The following CSMD1 variants were observed in gnomAD, a reference collection of about 807,000 sequenced individuals.
CSMD1 encodes the protein CUB and sushi domain-containing protein 1.
Under a neutral mutation model 417.5 loss-of-function variants are expected in CSMD1, and 213 were observed. That is an observed-to-expected ratio of 0.51 (90% confidence interval 0.46 to 0.57). The LOEUF (loss-of-function observed/expected upper bound fraction) is 0.57, where lower values mean the gene tolerates loss of function less well. Ranked by LOEUF, CSMD1 falls within the 20% of genes least tolerant of loss-of-function variation. The pLI is 0.00. For synonymous variants in CSMD1, 2,862 were observed against 1,736.8 expected (o/e 1.65, Z -16.11); for missense variants, 6,923 against 4,529.7 (o/e 1.53, Z -15.17).
Position 4,792,178 on chromosome 8 carries a change from G to T in CSMD1, c.86-154620C>A, listed in dbSNP as rs1333476385. Among the ~76,000 whole-genome samples the T allele has an allele frequency of 2.6e-5, 4 of 151,338 alleles. No homozygotes were observed. The South Asian group carries it at 6.3e-4, about 24-fold the overall frequency. Reference sequence around the variant, plus strand: ...TCCTTCCTATCTTTCTTTCCCATAGGTATTTATGAAATAAACACAATTAGC... The same window carrying T: ...TCCTTCCTATCTTTCTTTCCCATAGTTATTTATGAAATAAACACAATTAGC... On this transcript the variant is annotated intron_variant, in intron 1 of 69. Coordinates refer to ENST00000635120, the MANE Select transcript of CSMD1 (RefSeq NM_033225.6).
At chr8:3,029,625 G>T in intron 50 of CSMD1, 112 bp from the exon 51 acceptor site, 1 of 824,986 alleles carries the variant, frequency 1.2e-6, no homozygotes, top group Non-Finnish European at 1.9e-6. Context: ...GTTTGGCAAA[G>T]TTGATGCCAT....
intron 2 of CSMD1, among the ~76,000 whole-genome samples, chr8:4,522,050 T>A (rs1803481459): frequency 6.6e-6 from 1 of 152,196 alleles, no homozygotes; most frequent in Non-Finnish European, 1.5e-5. Context: ...GGTTTGGCTG[T>A]GTCCCCACCC....
At chr8:4,658,582 A>T (rs1348086585) in intron 1 of CSMD1, among the ~76,000 whole-genome samples, 2 of 152,214 alleles carry the variant, frequency 1.3e-5, no homozygotes, top group African/African-American at 4.8e-5. Flanking sequence ...ACAAATTTTT[A>T]AAAGCAAAAT....
At position 4,664,988 on chromosome 8, in the gene CSMD1, C is replaced by G. The variant is rs559406753; in HGVS notation, c.86-27430G>C. Among the ~76,000 whole-genome samples, 45 of 152,228 alleles carry G rather than the reference C, an allele frequency of 3.0e-4. No homozygotes were observed. The South Asian group carries it at 9.3e-3, about 32-fold the overall frequency. On this transcript the variant is annotated intron_variant, in intron 1 of 69. Coordinates refer to ENST00000635120, the MANE Select transcript of CSMD1 (RefSeq NM_033225.6). ...AGCATCTGAAAAAGGAAAATAATAT[C>G]TCATCGTGTTCTTCATTTTATTATT...
At chr8:4,282,429 A>T (rs1352021050) in intron 3 of CSMD1, among the ~76,000 whole-genome samples, 1 of 152,194 alleles carries the variant, frequency 6.6e-6, no homozygotes, top group Non-Finnish European at 1.5e-5. Flanking sequence ...CCTCTTCTCC[A>T]AGCAAGGTCC....
At position 3,109,850 on chromosome 8, in the gene CSMD1, C is replaced by G. The variant is rs566264260; in HGVS notation, c.6608+308G>C. On this transcript the variant is annotated intron_variant, in intron 43 of 69. Coordinates refer to ENST00000635120, the MANE Select transcript of CSMD1 (RefSeq NM_033225.6). ...ACACAAGCCACACACACCACACAGACACACCCACAGAGACACACATCACAC... is the reference window on the plus strand; with the variant it reads ...ACACAAGCCACACACACCACACAGAGACACCCACAGAGACACACATCACAC... Among the ~76,000 whole-genome samples, 12 of 151,768 alleles carry G rather than the reference C, an allele frequency of 7.9e-5. No homozygotes were observed. The East Asian group carries it at 2.3e-3, about 29-fold the overall frequency.
chr8:3,481,793 G>C (rs535946830), intron 11 of CSMD1, among the ~76,000 whole-genome samples: 1 of 152,172 alleles, frequency 6.6e-6, no homozygotes, highest in Admixed American at 6.5e-5. Flanking sequence ...AGAAGAAAGG[G>C]ATGAATTCTT....
At chr8:4,401,886 C>A (rs1336113861) in intron 3 of CSMD1, among the ~76,000 whole-genome samples, 1 of 152,122 alleles carries the variant, frequency 6.6e-6, no homozygotes, top group Non-Finnish European at 1.5e-5. Flanking sequence ...ACTCTTCTGT[C>A]TTCAGGTTAC....
chr8:4,872,346 A>G (rs1382490881), intron 1 of CSMD1, among the ~76,000 whole-genome samples: 1 of 152,048 alleles, frequency 6.6e-6, no homozygotes, highest in Non-Finnish European at 1.5e-5. Context: ...TCCACATGTC[A>G]AGGAAGAGAA....
intron 8 of CSMD1, among the ~76,000 whole-genome samples, chr8:3,594,977 G>T (rs150214261): frequency 2.6e-5 from 4 of 152,184 alleles, no homozygotes; most frequent in Non-Finnish European, 5.9e-5. Flanking sequence ...TGAACTGAAG[G>T]GCTTTAGGAA....
intron 15 of CSMD1, among the ~76,000 whole-genome samples, chr8:3,402,420 C>T (rs1355806000): frequency 6.6e-6 from 1 of 152,026 alleles, no homozygotes; most frequent in East Asian, 1.9e-4. Flanking sequence ...TCATTTTTCC[C>T]CAAAATAGCT....
chr8:3,311,405 A>G (rs1392268375), intron 23 of CSMD1, among the ~76,000 whole-genome samples: 1 of 152,056 alleles, frequency 6.6e-6, no homozygotes, highest in African/African-American at 2.4e-5. Context: ...GCGAGCCATC[A>G]CACCCAGCTA....
At chr8:3,916,288 CAT>C (rs1158308777) in intron 5 of CSMD1, among the ~76,000 whole-genome samples, 1 of 152,058 alleles carries the variant, frequency 6.6e-6, no homozygotes, top group Non-Finnish European at 1.5e-5. Flanking sequence ...TGGAAAGTCT[CAT>C]ATAAAATCAC....
At chr8:4,699,040 G>A (rs185183996) in intron 1 of CSMD1, among the ~76,000 whole-genome samples, 2 of 151,792 alleles carry the variant, frequency 1.3e-5, no homozygotes, top group Non-Finnish European at 2.9e-5. Context: ...CTTAAAGCTT[G>A]TCCACAGTTT....
At chr8:3,649,814 A>G (rs763226160) in intron 7 of CSMD1, among the ~76,000 whole-genome samples, 33 of 152,244 alleles carry the variant, frequency 2.2e-4, no homozygotes, top group Non-Finnish European at 4.1e-4. Flanking sequence ...CAATGTAAGT[A>G]TAAGTGGTCA....
At chr8:3,680,902 G>A (rs546721870) in intron 7 of CSMD1, among the ~76,000 whole-genome samples, 306 of 152,244 alleles carry the variant, frequency 2.0e-3, no homozygotes, top group Non-Finnish European at 2.3e-3. Context: ...ATCAGTAAAC[G>A]TAATCCAGCA....
chr8:3,225,607 G>T (rs947013891), intron 27 of CSMD1, among the ~76,000 whole-genome samples: 3 of 152,166 alleles, frequency 2.0e-5, no homozygotes, highest in African/African-American at 7.2e-5. Context: ...AAAAATGACA[G>T]ATTCAGGGCA....
At chr8:4,484,726 T>C (rs192542845) in intron 2 of CSMD1, among the ~76,000 whole-genome samples, 12 of 151,662 alleles carry the variant, frequency 7.9e-5, no homozygotes, top group Admixed American at 7.9e-4. Flanking sequence ...TCTCAGCACT[T>C]TGGGAGGCAG....
At chr8:4,973,394 C>T (rs562469763) in intron 1 of CSMD1, among the ~76,000 whole-genome samples, 1 of 152,254 alleles carries the variant, frequency 6.6e-6, no homozygotes, top group African/African-American at 2.4e-5. Flanking sequence ...CTTATAAATA[C>T]TATTTGCTTG....
Sources: gnomAD v4.1 joint callset for allele counts (sites outside exome capture counted in the v4.1 genomes callset) on GRCh38, gnomAD v4.1.1 for gene constraint, MANE v1.5 for transcripts, NCBI Gene and HGNC (gene_info 2026-07-23, HGNC 2026-07-21) for gene names.